Variants in EPCAM observed in about 807,000 individuals in gnomAD.
EPCAM encodes the protein epithelial cell adhesion molecule, also known as adenocarcinoma-associated antigen.
EPCAM carries 39 observed loss-of-function variants against 40.0 expected under a neutral mutation model. The observed-to-expected ratio is 0.98, with a 90% CI of 0.76 to 1.27. The LOEUF (loss-of-function observed/expected upper bound fraction) is 1.27. Among genes scored for constraint, EPCAM ranks in the 50% most tolerant of loss-of-function variants. EPCAM has a pLI of 0.00. For synonymous variants in EPCAM, 168 were observed against 132.3 expected (o/e 1.27, Z -1.85); for missense variants, 503 against 381.2 (o/e 1.32, Z -2.66).
chr2:47,384,515 G>A (rs1213292913), intron 7 of EPCAM, among the ~76,000 whole-genome samples: 4 of 151,836 alleles, frequency 2.6e-5, no homozygotes, highest in African/African-American at 9.7e-5. Context: ...TCGGGTTCAA[G>A]TGATTTTCCT....
In EPCAM at chr2:47,373,452, T is replaced by A. The variant is rs114241106; in HGVS notation, c.77-11T>A. ...CACATTTTAAAGTAGATTTTTTTTT[T>A]AATTTTCTAGAATGTGTCTGTGAAA... On this transcript the variant is annotated splice_polypyrimidine_tract_variant and intron_variant, in intron 1 of 8. Transcript: ENST00000263735. 9.8e-3 allele frequency: 15,342 copies of A among 1,571,516 alleles called. 106 individuals are homozygous for A. The highest frequency in any genetic ancestry group is 0.027 in the Middle Eastern group (162 of 5,996).
At chr2:47,386,507 T>C (rs1671745622) in intron 8 of EPCAM, 65 bp from the exon 9 acceptor site, 1 of 1,246,032 alleles carries the variant, frequency 8.0e-7, no homozygotes, top group Non-Finnish European at 1.2e-6. Flanking sequence ...TTAATACTAT[T>C]TTCAGAATGA....
rs369770948 is a variant in EPCAM, at chr2:47,379,999, A to C, written c.858+30A>C. The C allele has an allele frequency of 6.3e-6, 10 of 1,582,538 alleles. 1 individual carries two copies. In the East Asian group the frequency reaches 9.4e-5, roughly 15 times the overall value. ...GTACAGAACAAGTAAAATTTCATTT[A>C]AGGGTATATTTTTTCAAGAAAAAGT... On this transcript the variant is annotated intron_variant, in intron 7 of 8. Transcript: ENST00000263735.
At chr2:47,373,419 A>T (rs2103745348) in intron 1 of EPCAM, 44 bp from the exon 2 acceptor site, 2 of 1,225,688 alleles carry the variant, frequency 1.6e-6, no homozygotes, top group Non-Finnish European at 1.2e-6. Flanking sequence ...CATGAGAGTT[A>T]ATAGATCCAC....
chr2:47,371,925 T>C (rs542380762), intron 1 of EPCAM, among the ~76,000 whole-genome samples: 1 of 152,308 alleles, frequency 6.6e-6, no homozygotes, highest in South Asian at 2.1e-4. Context: ...TCATGCTAGC[T>C]TTTTCTTTTT....
intron 7 of EPCAM, 35 bp downstream of exon 7, chr2:47,380,004 T>G: frequency 6.3e-7 from 1 of 1,575,966 alleles, no homozygotes; most frequent in Non-Finnish European, 8.6e-7. Flanking sequence ...CATTTAAGGG[T>G]ATATTTTTTC....
chr2:47,374,310 C>A (rs997922116), intron 3 of EPCAM, among the ~76,000 whole-genome samples: 3 of 152,082 alleles, frequency 2.0e-5, no homozygotes, highest in Admixed American at 1.3e-4. Context: ...TAAATGATAG[C>A]ATACTAGGTA....
chr2:47,382,749 A>G (rs1671626454), intron 7 of EPCAM, among the ~76,000 whole-genome samples: 1 of 152,190 alleles, frequency 6.6e-6, no homozygotes, highest in Non-Finnish European at 1.5e-5. Context: ...TGTATCAGTA[A>G]GAGAGTAAAT....
At chr2:47,384,864 AC>A (rs1198213293) in intron 7 of EPCAM, among the ~76,000 whole-genome samples, 1 of 151,686 alleles carries the variant, frequency 6.6e-6, no homozygotes, top group Non-Finnish European at 1.5e-5. Flanking sequence ...GTGCCATGAC[AC>A]CTGGCTAATT....
In EPCAM at chr2:47,369,512, C is replaced by T. The variant is rs587780772; in HGVS notation, c.7C>T (p.Pro3Ser). 24 of 1,556,300 alleles carry T rather than the reference C, an allele frequency of 1.5e-5. No individual in the cohort carries two copies. Among genetic ancestry groups the T allele is most frequent in the African/African-American group, 2.8e-5 (2 of 72,416 alleles). The stretch of plus-strand genomic sequence containing the variant: ...TTCTCGGCGCGCGCGCAGCATGGCG[C>T]CCCCGCAGGTCCTCGCGTTCGGGCT... MA[P>S]PQVLAFGLLL... The change falls in exon 1 of 9, where the codon CCC becomes TCC. Residue 3 changes from proline (P) to serine (S), a missense_variant. Pro to Ser is a moderately conservative substitution (Grantham distance 74, BLOSUM62 -1). Transcript: ENST00000263735.
intron 6 of EPCAM, 108 bp from the exon 7 acceptor site, chr2:47,379,661 A>G (rs770690819): frequency 1.6e-6 from 2 of 1,276,054 alleles, no homozygotes; most frequent in East Asian, 2.4e-5. Context: ...CTAAAACCAT[A>G]AAGATTCTTG....
chr2:47,372,009 TTAGA>T (rs1671283021), intron 1 of EPCAM, among the ~76,000 whole-genome samples: 1 of 152,200 alleles, frequency 6.6e-6, no homozygotes, highest in Non-Finnish European at 1.5e-5. Flanking sequence ...ACAAAAGGAA[TTAGA>T]TAGTCTTGCC....
In EPCAM at chr2:47,373,804, T is replaced by G. The variant is rs1203730054; in HGVS notation, c.185-4T>G. 1.2e-6 allele frequency: 2 copies of G among 1,614,066 alleles called. No individual in the cohort carries two copies. The highest frequency in any genetic ancestry group is 2.7e-5 in the African/African-American group (2 of 74,932). ...TCAGTTTGGCATTAAGGTTTCTTTT[T>G]CAGTGGCTGCCAAATGTTTGGTGAT... On this transcript the variant is annotated splice_polypyrimidine_tract_variant and splice_region_variant and intron_variant, in intron 2 of 8. Coordinates refer to ENST00000263735, the MANE Select transcript of EPCAM (RefSeq NM_002354.3).
intron 8 of EPCAM, among the ~76,000 whole-genome samples, chr2:47,385,705 C>G (rs1194405361): frequency 7.3e-6 from 1 of 136,594 alleles, no homozygotes; most frequent in East Asian, 2.2e-4. Flanking sequence ...TGAACCCTAT[C>G]AATAACATTT....
intron 2 of EPCAM, 71 bp from the exon 3 acceptor site, chr2:47,373,737 A>C (rs934529479): frequency 1.3e-6 from 2 of 1,595,078 alleles, no homozygotes; most frequent in Admixed American, 1.7e-5. Context: ...GGAACTTTAG[A>C]GTTAATTTTT....
chr2:47,377,939 A>G (rs554434578), intron 5 of EPCAM, among the ~76,000 whole-genome samples: 1 of 152,140 alleles, frequency 6.6e-6, no homozygotes, highest in East Asian at 2.0e-4. Flanking sequence ...TACTCTTTAA[A>G]AACAAAATGA....
At chr2:47,384,747 C>T (rs958822294) in intron 7 of EPCAM, among the ~76,000 whole-genome samples, 3 of 152,138 alleles carry the variant, frequency 2.0e-5, no homozygotes, top group African/African-American at 4.8e-5. Context: ...TACTCTGTAG[C>T]CCAGGCTGGA....
chr2:47,379,692 C>T, intron 6 of EPCAM, 77 bp from the exon 7 acceptor site: 2 of 1,509,060 alleles, frequency 1.3e-6, no homozygotes, highest in Non-Finnish European at 1.8e-6. Flanking sequence ...TTTTGGCATA[C>T]AATTTGTATG....
At chr2:47,386,141 A>C (rs73927788) in intron 8 of EPCAM, among the ~76,000 whole-genome samples, 2,325 of 152,334 alleles carry the variant, frequency 0.015, 61 homozygotes, top group African/African-American at 0.053. Context: ...ATTTGTCAAC[A>C]GAGTGGTAGT....
Sources: allele counts gnomAD v4.1 joint callset (sites outside exome capture counted in the v4.1 genomes callset), GRCh38; gene constraint gnomAD v4.1.1; transcripts MANE v1.5; gene names NCBI Gene and HGNC (gene_info 2026-07-23, HGNC 2026-07-21).